The following DTWD2 variants were observed in gnomAD, a reference collection of about 807,000 sequenced individuals.
The protein encoded by DTWD2 is tRNA-uridine aminocarboxypropyltransferase 2.
A neutral mutation model predicts 31.8 loss-of-function variants in DTWD2; 39 were observed. The observed-to-expected ratio is 1.22, with a 90% CI of 0.95 to 1.60. DTWD2 has a LOEUF of 1.60. Among genes scored for constraint, DTWD2 ranks in the 40% most tolerant of loss-of-function variants. The pLI, the probability that DTWD2 is intolerant of heterozygous loss-of-function variation, is 0.00. For synonymous variants in DTWD2, 180 were observed against 142.8 expected (o/e 1.26, Z -1.86); for missense variants, 515 against 381.5 (o/e 1.35, Z -2.92).
At chr5:118,965,465 G>A (rs1009945869) in intron 1 of DTWD2, among the ~76,000 whole-genome samples, 10 of 144,804 alleles carry the variant, frequency 6.9e-5, no homozygotes, top group Admixed American at 6.9e-4. Flanking sequence ...ATGATGATGC[G>A]GTTTTGTCGA....
intron 1 of DTWD2, chr5:118,973,666 C>T: frequency 1.0e-6 from 1 of 986,854 alleles, no homozygotes; most frequent in Non-Finnish European, 1.5e-6. Context: ...CGGCAGCCTC[C>T]TTGCTCGCCG....
intron 4 of DTWD2, among the ~76,000 whole-genome samples, chr5:118,860,040 C>A (rs1752224089): frequency 6.6e-6 from 1 of 151,978 alleles, no homozygotes; most frequent in South Asian, 2.1e-4. Context: ...ATAGCTTGAG[C>A]CCAGGAAGTT....
chr5:118,920,393 T>C (rs915928498), intron 4 of DTWD2, among the ~76,000 whole-genome samples: 7 of 152,048 alleles, frequency 4.6e-5, no homozygotes, highest in African/African-American at 1.7e-4. Flanking sequence ...AGAAAAACTT[T>C]TGGAAGCAAA....
chr5:118,984,987 CT>C (rs1755391386), intron 1 of DTWD2, among the ~76,000 whole-genome samples: 1 of 152,060 alleles, frequency 6.6e-6, no homozygotes, highest in Non-Finnish European at 1.5e-5. Context: ...AAAAGTCAAA[CT>C]TGTCACCACC....
chr5:118,871,156 A>G lies in DTWD2; in HGVS notation c.598-22938T>C, dbSNP rs931380175. Among the ~76,000 whole-genome samples, 6 of 152,178 alleles carry G rather than the reference A, an allele frequency of 3.9e-5. No homozygotes were observed. In the South Asian group the frequency reaches 1.2e-3, roughly 31 times the overall value. ...AAGCAAATCCTCATCTGTTCAAGTT[A>G]AATTATGAGATTTCAACAATTCATT... On this transcript the variant is annotated intron_variant, in intron 4 of 5. Coordinates refer to ENST00000510708, the MANE Select transcript of DTWD2 (RefSeq NM_173666.4).
chr5:118,840,729 C>A lies in DTWD2; in HGVS notation c.*188G>T. On this transcript the variant is annotated 3_prime_UTR_variant, in exon 6 of 6. Coordinates refer to ENST00000510708, the MANE Select transcript of DTWD2 (RefSeq NM_173666.4). ...AAGTACAGTAGGAAATCCTGCTTTTCAGTGAGCCAGTGAATTTCTGTTTAT... is the reference window on the plus strand; with the variant it reads ...AAGTACAGTAGGAAATCCTGCTTTTAAGTGAGCCAGTGAATTTCTGTTTAT... The A allele has an allele frequency of 1.9e-6, 1 of 532,304 alleles. No homozygotes were observed. The highest frequency in any genetic ancestry group is 2.9e-6 in the Non-Finnish European group (1 of 348,958). 33.0% of individuals were successfully genotyped at this position (532,304 alleles called of 1,614,324 possible). A position where few individuals can be genotyped will look rare whatever the true frequency, so the allele number is the denominator to read the frequency against.
intron 4 of DTWD2, among the ~76,000 whole-genome samples, chr5:118,927,786 T>C (rs1429690906): frequency 2.0e-5 from 3 of 152,174 alleles, no homozygotes; most frequent in Non-Finnish European, 1.5e-5. Flanking sequence ...ATTTCACCAA[T>C]GAGTTCCATC....
chr5:118,865,765 C>T (rs1752367973), intron 4 of DTWD2, among the ~76,000 whole-genome samples: 2 of 152,054 alleles, frequency 1.3e-5, no homozygotes, highest in South Asian at 2.1e-4. Context: ...ATAAACACTC[C>T]AAAAATGGAA....
Position 118,926,933 on chromosome 5 carries a change from T to C in DTWD2, c.597+1604A>G, listed in dbSNP as rs540631847. ...TTAGTCAGCTTAGGCTGTTGTAACA[T>C]TCATTTCTCACAGTTCTAGAAGCTG... On this transcript the variant is annotated intron_variant, in intron 4 of 5. Transcript: ENST00000510708. Among the ~76,000 whole-genome samples, 3 of 152,314 alleles carry C rather than the reference T, an allele frequency of 2.0e-5. No homozygotes were observed. The East Asian group carries it at 5.8e-4, about 29-fold the overall frequency.
intron 2 of DTWD2, 76 bp from the exon 3 acceptor site, chr5:118,939,366 C>G (rs1467674481): frequency 8.1e-7 from 1 of 1,233,330 alleles, no homozygotes; most frequent in Non-Finnish European, 1.1e-6. Flanking sequence ...TAATGAACAT[C>G]TGATTCATAA....
intron 4 of DTWD2, among the ~76,000 whole-genome samples, chr5:118,851,243 GA>G (rs1751996604): frequency 7.3e-6 from 1 of 137,056 alleles, no homozygotes; most frequent in Non-Finnish European, 1.6e-5. Context: ...AAAAAAGAAA[GA>G]AAAAACTATC....
intron 1 of DTWD2, among the ~76,000 whole-genome samples, chr5:118,962,611 G>C (rs566202475): frequency 5.3e-5 from 8 of 152,272 alleles, no homozygotes; most frequent in East Asian, 3.9e-4. Flanking sequence ...AGAAGAAAAA[G>C]GAAGTGGGAT....
At chr5:118,953,502 C>T (rs537109552) in intron 1 of DTWD2, among the ~76,000 whole-genome samples, 2 of 152,318 alleles carry the variant, frequency 1.3e-5, no homozygotes, top group African/African-American at 4.8e-5. Context: ...AACATGATAA[C>T]TATATTGCTA....
At chr5:118,974,549 A>G (rs1336213113) in intron 1 of DTWD2, 2 of 493,000 alleles carry the variant, frequency 4.1e-6, no homozygotes, top group South Asian at 1.5e-5. Flanking sequence ...GAGAAAAAAA[A>G]CCTTGTAAAA....
intron 1 of DTWD2, among the ~76,000 whole-genome samples, chr5:118,981,094 A>G (rs1755289159): frequency 6.6e-6 from 1 of 152,234 alleles, no homozygotes; most frequent in South Asian, 2.1e-4. Context: ...GAAATTAGCC[A>G]GACACAGATA....
At chr5:118,854,346 G>A (rs1752081903) in intron 4 of DTWD2, among the ~76,000 whole-genome samples, 1 of 151,702 alleles carries the variant, frequency 6.6e-6, no homozygotes. Flanking sequence ...TGCAAAATCT[G>A]AAAACCTTAT....
At chr5:118,857,634 T>A (rs976626662) in intron 4 of DTWD2, among the ~76,000 whole-genome samples, 28 of 152,328 alleles carry the variant, frequency 1.8e-4, no homozygotes, top group African/African-American at 6.3e-4. Context: ...TGAAACATAA[T>A]TTATAAATAT....
At chr5:118,895,199 C>G (rs1007735176) in intron 4 of DTWD2, among the ~76,000 whole-genome samples, 1 of 151,994 alleles carries the variant, frequency 6.6e-6, no homozygotes, top group Non-Finnish European at 1.5e-5. Context: ...CAAAAATGAT[C>G]AGCATTTCCA....
intron 1 of DTWD2, among the ~76,000 whole-genome samples, chr5:118,964,407 T>TTCTCCCCACGGTCTCCCTCTCCCTCTCCC (rs2149594741): frequency 1.3e-5 from 2 of 151,804 alleles, no homozygotes; most frequent in East Asian, 1.9e-4. Flanking sequence ...CTCCCTCTCC[T>TTCTCCCCACGGTCTCCCTCTCCCTCTCCC]TCTCCCCACG....
Sources: allele counts gnomAD v4.1 joint callset (sites outside exome capture counted in the v4.1 genomes callset), GRCh38; gene constraint gnomAD v4.1.1; transcripts MANE v1.5; gene names NCBI Gene and HGNC (gene_info 2026-07-23, HGNC 2026-07-21).